PRKCA: variants seen among roughly 807,000 people sequenced by gnomAD.
PRKCA encodes the protein protein kinase C alpha type.
In PRKCA, 27 loss-of-function variants were observed where a neutral mutation model predicts 87.0. That is an observed-to-expected ratio of 0.31 (90% CI 0.23 to 0.43). PRKCA has a LOEUF of 0.43. Ranked by LOEUF, PRKCA falls within the 20% of genes least tolerant of loss-of-function variation. The pLI is 1.00. For synonymous variants in PRKCA, 329 were observed against 311.1 expected (o/e 1.06, Z -0.61); for missense variants, 518 against 852.3 (o/e 0.61, Z 4.88).
intron 8 of PRKCA, among the ~76,000 whole-genome samples, chr17:66,695,414 A>G (rs1001009248): frequency 1.3e-5 from 2 of 152,206 alleles, no homozygotes; most frequent in Non-Finnish European, 2.9e-5. Context: ...CTGGGAATGG[A>G]CTTTCAACGA....
At chr17:66,374,211 C>T (rs1909280945) in intron 2 of PRKCA, among the ~76,000 whole-genome samples, 2 of 152,196 alleles carry the variant, frequency 1.3e-5, no homozygotes, top group Admixed American at 6.5e-5. Flanking sequence ...TCCTCCACCA[C>T]CTCCTCAACT....
chr17:66,508,668 C>T (rs1019535617), intron 3 of PRKCA, among the ~76,000 whole-genome samples: 3 of 152,136 alleles, frequency 2.0e-5, no homozygotes, highest in South Asian at 2.1e-4. Flanking sequence ...TTTTGTTTCA[C>T]GCACCTAATA....
At chr17:66,742,822 A>C in intron 13 of PRKCA, 62 bp downstream of exon 13, 1,027 of 1,567,530 alleles carry the variant, frequency 6.6e-4, no homozygotes, top group Non-Finnish European at 7.7e-4. Flanking sequence ...CAGCCCTCTC[A>C]TGGGTTATAG....
At chr17:66,607,341 G>C (rs1274770065) in intron 3 of PRKCA, among the ~76,000 whole-genome samples, 1 of 152,198 alleles carries the variant, frequency 6.6e-6, no homozygotes, top group Non-Finnish European at 1.5e-5. Context: ...CATACAGTGA[G>C]TTAAGTGGAG....
Position 66,805,852 on chromosome 17 carries a change from G to C in PRKCA, c.*1815G>C, listed in dbSNP as rs1364682904. The C allele has an allele frequency of 6.6e-6, 1 of 152,114 alleles. No individual in the cohort carries two copies. Among genetic ancestry groups the C allele is most frequent in the South Asian group, 2.1e-4 (1 of 4,834 alleles). 9.4% of individuals were successfully genotyped at this position (152,114 alleles called of 1,614,324 possible). A position where few individuals can be genotyped will look rare whatever the true frequency, so the allele number is the denominator to read the frequency against. ...CCTGTGACTGTTGCTGACTCCAGGG[G>C]TGGGAGGGATGGGGAGACTCCCCTC... On this transcript the variant is annotated 3_prime_UTR_variant, in exon 17 of 17. Transcript: ENST00000413366.
At chr17:66,317,784 A>G (rs1306049985) in intron 2 of PRKCA, among the ~76,000 whole-genome samples, 2 of 152,228 alleles carry the variant, frequency 1.3e-5, no homozygotes, top group Non-Finnish European at 2.9e-5. Context: ...ATGGCTGTAC[A>G]CTAGCTTAAA....
At chr17:66,549,135 A>T (rs1001640000) in intron 3 of PRKCA, among the ~76,000 whole-genome samples, 1 of 141,264 alleles carries the variant, frequency 7.1e-6, no homozygotes, top group Non-Finnish European at 1.5e-5. Context: ...TACCAAGTTT[A>T]TGGCAGTTTT....
In PRKCA at chr17:66,427,081, G is replaced by A. The variant is rs62070394; in HGVS notation, c.206-69120G>A. On this transcript the variant is annotated intron_variant, in intron 2 of 16. Transcript: ENST00000413366. ...GACGAGGTCTTGCTCTGTCTTCCAG[G>A]AGCATAGTGGTGCAGTCTTGGCTCA... Among the ~76,000 whole-genome samples, 656 of 152,090 alleles carry A rather than the reference G, an allele frequency of 4.3e-3. 1 individual carries two copies. The highest frequency in any genetic ancestry group is 0.014 in the South Asian group (66 of 4,796).
At chr17:66,711,603 G>A (rs1973328916) in intron 8 of PRKCA, among the ~76,000 whole-genome samples, 1 of 152,148 alleles carries the variant, frequency 6.6e-6, no homozygotes, top group African/African-American at 2.4e-5. Context: ...TGTGCTCTCA[G>A]CGTATTGCCT....
At chr17:66,745,747 G>C (rs139327906) in intron 13 of PRKCA, among the ~76,000 whole-genome samples, 1 of 152,232 alleles carries the variant, frequency 6.6e-6, no homozygotes, top group Non-Finnish European at 1.5e-5. Context: ...AGCCCCACAG[G>C]GAGGTAGCAT....
At chr17:66,365,851 A>C (rs1475090057) in intron 2 of PRKCA, among the ~76,000 whole-genome samples, 1 of 152,200 alleles carries the variant, frequency 6.6e-6, no homozygotes, top group Admixed American at 6.5e-5. Flanking sequence ...TATCTGAGCC[A>C]TGGTTTTTCT....
chr17:66,727,820 G>A (rs1156318412), intron 8 of PRKCA, among the ~76,000 whole-genome samples: 1 of 152,146 alleles, frequency 6.6e-6, no homozygotes, highest in Non-Finnish European at 1.5e-5. Context: ...CCAAAGGTCT[G>A]GAGGTCAAGC....
intron 3 of PRKCA, among the ~76,000 whole-genome samples, chr17:66,508,106 A>G (rs1917057531): frequency 6.6e-6 from 1 of 152,214 alleles, no homozygotes; most frequent in South Asian, 2.1e-4. Context: ...TGGCTAAGAG[A>G]AAACAGCAAG....
At chr17:66,412,317 G>T (rs1055391491) in intron 2 of PRKCA, among the ~76,000 whole-genome samples, 2 of 152,102 alleles carry the variant, frequency 1.3e-5, no homozygotes, top group Non-Finnish European at 2.9e-5. Flanking sequence ...TTGGCCTTCT[G>T]AAGTGCTGGG....
At chr17:66,589,806 A>G (rs954056940) in intron 3 of PRKCA, among the ~76,000 whole-genome samples, 1 of 152,182 alleles carries the variant, frequency 6.6e-6, no homozygotes, top group African/African-American at 2.4e-5. Context: ...TTTTTGGTGC[A>G]GGGACTGGTT....
chr17:66,803,809 C>G lies in PRKCA; in HGVS notation c.1855-64C>G. The G allele has an allele frequency of 6.3e-7, 1 of 1,579,530 alleles. No homozygotes were observed. Among genetic ancestry groups the G allele is most frequent in the South Asian group, 1.2e-5 (1 of 86,252 alleles). ...CGTGCCCCTCCCCAGAGAGGGCCCT[C>G]GGAGAGCTGCTCCCGCATTGTCATG... On this transcript the variant is annotated intron_variant, in intron 16 of 16. Transcript: ENST00000413366. The surrounding 1 kb of genome is among the most constrained non-coding windows in gnomAD (Gnocchi z 4.4).
intron 2 of PRKCA, among the ~76,000 whole-genome samples, chr17:66,321,660 C>T (rs1905672248): frequency 6.6e-6 from 1 of 152,204 alleles, no homozygotes; most frequent in African/African-American, 2.4e-5. Context: ...TCTCCTGCGT[C>T]AGCCTCCCAA....
chr17:66,312,819 A>G (rs552991535), intron 2 of PRKCA, among the ~76,000 whole-genome samples: 24 of 147,328 alleles, frequency 1.6e-4, no homozygotes, highest in Non-Finnish European at 3.4e-4. Flanking sequence ...CTTCACTGCA[A>G]CCTTTGCCTC....
intron 2 of PRKCA, among the ~76,000 whole-genome samples, chr17:66,483,091 G>A (rs573571342): frequency 6.6e-6 from 1 of 152,282 alleles, no homozygotes; most frequent in Non-Finnish European, 1.5e-5. Flanking sequence ...CTTGAATCCC[G>A]AACCACTTGC....
Sources: gnomAD v4.1 joint callset for allele counts (sites outside exome capture counted in the v4.1 genomes callset) on GRCh38, gnomAD v4.1.1 for gene constraint, Gnocchi (gnomAD v3.1) non-coding constraint, MANE v1.5 for transcripts, NCBI Gene and HGNC (gene_info 2026-07-23, HGNC 2026-07-21) for gene names.